The following NEMF variants were observed in gnomAD, a reference collection of about 807,000 sequenced individuals.
NEMF encodes the protein ribosome quality control complex subunit NEMF.
In NEMF, 89 loss-of-function variants were observed where a neutral mutation model predicts 162.2. The ratio of observed to expected loss-of-function variants is 0.55; its 90% confidence interval spans 0.46 to 0.65. NEMF has a LOEUF of 0.65. NEMF is among the 30% of genes least tolerant of loss of function. The probability of loss-of-function intolerance (pLI) is 0.00; values close to 1 mark genes in which losing one functional copy is unlikely to be tolerated. For synonymous variants in NEMF, 421 were observed against 404.5 expected (o/e 1.04, Z -0.49); for missense variants, 1,133 against 1,261.9 (o/e 0.90, Z 1.55).
intron 7 of NEMF, chr14:49,834,097 T>G (rs185017408): frequency 5.2e-4 from 288 of 548,596 alleles, no homozygotes; most frequent in African/African-American, 4.5e-3. Context: ...CTTGTTTTTG[T>G]GGGGTTTTTT....
rs538027812 is a variant in NEMF, at chr14:49,802,573, C to T, written c.1975G>A (p.Val659Ile). 113 of 1,613,262 alleles carry T rather than the reference C, an allele frequency of 7.0e-5. 1 individual carries two copies. The South Asian group carries it at 1.2e-3, about 17-fold the overall frequency. Residue 659 changes from valine to isoleucine, a missense_variant and splice_region_variant, in exon 22 of 33, where the codon GTA (valine) becomes ATA (isoleucine). Physicochemically the swap from Val to Ile is conservative, Grantham distance 29. Around this residue, in one of 3 missense-constraint regions of NEMF, gnomAD observed 532 missense variants for 578.6 expected, o/e 0.92. Transcript: ENST00000298310. The stretch of plus-strand genomic sequence containing the variant: ...TGTCTCCAAACACAAGACTCATCTA[C>T]CTAAAGAAACAGTTATTTTTCAGTG... ...LMMGFSFLFK[V>I]DESCVWRHQG...
intron 4 of NEMF, chr14:49,844,742 C>CACAT: frequency 5.5e-6 from 1 of 182,744 alleles, no homozygotes; most frequent in Non-Finnish European, 1.4e-5. Context: ...CGCGCGCACA[C>CACAT]ACACACACAC....
At chr14:49,841,451 G>A (rs2140010012) in intron 4 of NEMF, among the ~76,000 whole-genome samples, 1 of 150,234 alleles carries the variant, frequency 6.7e-6, no homozygotes, top group African/African-American at 2.4e-5. Flanking sequence ...GTGCATGCCT[G>A]TAATCCCAGC....
intron 18 of NEMF, among the ~76,000 whole-genome samples, chr14:49,811,436 C>G (rs201854014): frequency 6.8e-6 from 1 of 147,398 alleles, no homozygotes; most frequent in African/African-American, 2.5e-5. Context: ...ATTTTTTTTT[C>G]TTTTTATTGC....
chr14:49,791,665 A>T (rs2139832396), intron 26 of NEMF, among the ~76,000 whole-genome samples: 1 of 151,828 alleles, frequency 6.6e-6, no homozygotes, highest in East Asian at 1.9e-4. Flanking sequence ...TGAACCCAGG[A>T]GGCGGAGGTT....
chr14:49,836,108 C>T (rs1458835226), intron 6 of NEMF, among the ~76,000 whole-genome samples: 1 of 152,104 alleles, frequency 6.6e-6, no homozygotes, highest in Non-Finnish European at 1.5e-5. Context: ...GGTGAAACCC[C>T]ATCTCTACTA....
chr14:49,799,180 C>A lies in NEMF; in HGVS notation c.2465+295G>T, dbSNP rs562244410. 2.7e-5 allele frequency among the ~76,000 whole-genome samples: 3 copies of A among 112,098 alleles called. 1 individual carries two copies. In the South Asian group the frequency reaches 8.6e-4, roughly 32 times the overall value. 73.5% of individuals were successfully genotyped at this position (112,098 alleles called of 152,430 possible). A position where few individuals can be genotyped will look rare whatever the true frequency, so the allele number is the denominator to read the frequency against. ...CCATGACTGCGCCATAGCACTCTAGCCTGGGCAACAAAGCGAGACCCTGTT... is the reference window on the plus strand; with the variant it reads ...CCATGACTGCGCCATAGCACTCTAGACTGGGCAACAAAGCGAGACCCTGTT... On this transcript the variant is annotated intron_variant, in intron 25 of 32. Coordinates refer to ENST00000298310, the MANE Select transcript of NEMF (RefSeq NM_004713.6).
chr14:49,840,580 C>CA (rs2140007226), intron 5 of NEMF, 138 bp downstream of exon 5: 1 of 709,532 alleles, frequency 1.4e-6, no homozygotes, highest in African/African-American at 1.8e-5. Flanking sequence ...CTAAGTAAAA[C>CA]AAAATATTTT....
intron 18 of NEMF, among the ~76,000 whole-genome samples, chr14:49,807,987 T>C (rs1479841250): frequency 6.6e-6 from 1 of 152,126 alleles, no homozygotes; most frequent in Non-Finnish European, 1.5e-5. Flanking sequence ...CATTCACGTA[T>C]CTTTGCAGAA....
chr14:49,843,221 G>A (rs549741798), intron 4 of NEMF, among the ~76,000 whole-genome samples: 8 of 152,170 alleles, frequency 5.3e-5, no homozygotes, highest in East Asian at 1.9e-4. Context: ...AGAGCCAGGC[G>A]TGGTGGCTCA....
intron 15 of NEMF, among the ~76,000 whole-genome samples, chr14:49,828,054 A>G (rs2139961701): frequency 6.6e-6 from 1 of 152,348 alleles, no homozygotes; most frequent in South Asian, 2.1e-4. Flanking sequence ...AGGATATCAC[A>G]AACATTTTTA....
Position 49,825,866 on chromosome 14 carries a change from C to T in NEMF, c.1577+1G>A. The stretch of plus-strand genomic sequence containing the variant: ...GTATTTGAAAGAGACAGAACACTTA[C>T]CAATATACTTTTCTTGCTTTTTGAA... On this transcript the variant is annotated splice_donor_variant, in intron 16 of 32. Coordinates refer to ENST00000298310, the MANE Select transcript of NEMF (RefSeq NM_004713.6). LOFTEE classifies it high-confidence loss of function. 6.4e-7 allele frequency: 1 copy of T among 1,558,038 alleles called. No individual in the cohort carries two copies. The highest frequency in any genetic ancestry group is 8.8e-7 in the Non-Finnish European group (1 of 1,133,196).
chr14:49,831,563 AAAC>A (rs1409973333), intron 10 of NEMF, among the ~76,000 whole-genome samples: 1 of 151,990 alleles, frequency 6.6e-6, no homozygotes. Flanking sequence ...TCAGCCTCTC[AAAC>A]AGCTGGGACT....
At chr14:49,797,740 A>G (rs1890757042) in intron 25 of NEMF, among the ~76,000 whole-genome samples, 1 of 152,258 alleles carries the variant, frequency 6.6e-6, no homozygotes, top group Non-Finnish European at 1.5e-5. Context: ...GAACTAGTCT[A>G]TGTAATACAC....
intron 15 of NEMF, among the ~76,000 whole-genome samples, chr14:49,827,675 TGG>T (rs1247610971): frequency 6.6e-6 from 1 of 151,952 alleles, no homozygotes. Flanking sequence ...TAGCTGGGTG[TGG>T]TGGCGGGCGC....
At chr14:49,785,452 T>C (rs1029762412) in intron 29 of NEMF, 132 bp from the exon 30 acceptor site, 1 of 660,504 alleles carries the variant, frequency 1.5e-6, no homozygotes, top group East Asian at 2.7e-5. Flanking sequence ...GCTGGAACAG[T>C]GGTACTTAAA....
At chr14:49,842,439 T>C (rs904627622) in intron 4 of NEMF, among the ~76,000 whole-genome samples, 1 of 152,162 alleles carries the variant, frequency 6.6e-6, no homozygotes, top group South Asian at 2.1e-4. Flanking sequence ...GGGAACATAA[T>C]GAAAATAAAG....
chr14:49,819,919 T>C (rs1427802506), intron 16 of NEMF, among the ~76,000 whole-genome samples: 3 of 152,026 alleles, frequency 2.0e-5, no homozygotes, highest in African/African-American at 7.2e-5. Flanking sequence ...TTCAGAGGAT[T>C]AGAATGCCAC....
In NEMF at chr14:49,782,695, A is replaced by C; in HGVS notation, c.*1941T>G. ...GTTTATGGATTATTTAAGGGCAATA[A>C]AACTTCATTGCTATAACCAGTTCCT... is the stretch of plus-strand genomic sequence containing the variant. On this transcript the variant is annotated 3_prime_UTR_variant, in exon 33 of 33. Coordinates refer to ENST00000298310, the MANE Select transcript of NEMF (RefSeq NM_004713.6). 1 of 1,366,592 alleles carries C rather than the reference A, an allele frequency of 7.3e-7. No homozygotes were observed. The highest frequency in any genetic ancestry group is 2.2e-5 in the Admixed American group (1 of 44,622). 84.7% of individuals were successfully genotyped at this position (1,366,592 alleles called of 1,614,324 possible). A position where few individuals can be genotyped will look rare whatever the true frequency, so the allele number is the denominator to read the frequency against.
Sources: allele counts gnomAD v4.1 joint callset (sites outside exome capture counted in the v4.1 genomes callset), GRCh38; gene constraint gnomAD v4.1.1; regional missense constraint gnomAD v4.1.1; transcripts MANE v1.5; gene names NCBI Gene and HGNC (gene_info 2026-07-23, HGNC 2026-07-21).